The following IL7R variants were observed in gnomAD, a reference collection of about 807,000 sequenced individuals.
IL7R encodes the protein interleukin-7 receptor subunit alpha.
Under a neutral mutation model 47.0 loss-of-function variants are expected in IL7R, and 38 were observed. That is an observed-to-expected ratio of 0.81 (90% confidence interval 0.62 to 1.06). The LOEUF (loss-of-function observed/expected upper bound fraction) is 1.06. Ranked by LOEUF, IL7R falls within the 50% of genes least tolerant of loss-of-function variation. The probability of loss-of-function intolerance (pLI) is 0.00; values close to 1 mark genes in which losing one functional copy is unlikely to be tolerated. For synonymous variants in IL7R, 221 were observed against 199.8 expected, an observed-to-expected ratio of 1.11 and a Z score of -0.89; for missense variants, 633 against 534.8, an observed-to-expected ratio of 1.18 and a Z score of -1.81.
At position 35,875,603 on chromosome 5, in the gene IL7R, G is replaced by A; in HGVS notation, c.876+16G>A. 1 of 1,590,288 alleles carries A rather than the reference G, an allele frequency of 6.3e-7. No individual in the cohort carries two copies. The highest frequency in any genetic ancestry group is 8.6e-7 in the Non-Finnish European group (1 of 1,158,344). ...ACCAAGAAAAGTGAGTGTTTTTGGTGCTTAAAAAGTGTTGTGTTGGCAACA... is the reference window on the plus strand; with the variant it reads ...ACCAAGAAAAGTGAGTGTTTTTGGTACTTAAAAAGTGTTGTGTTGGCAACA... On this transcript the variant is annotated intron_variant, in intron 7 of 7. Coordinates refer to ENST00000303115, the MANE Select transcript of IL7R (RefSeq NM_002185.5).
At chr5:35,869,242 G>T (rs1760012540) in intron 3 of IL7R, among the ~76,000 whole-genome samples, 1 of 152,140 alleles carries the variant, frequency 6.6e-6, no homozygotes. Context: ...ACCCAGTAAG[G>T]CTGAAGAGGG....
In IL7R at chr5:35,876,127, G is replaced by A. The variant is rs766254348; in HGVS notation, c.1021G>A (p.Gly341Arg). ...QLEESEKQRL[G>R]GDVQSPNCPS... ...AGAAGAATCTGAGAAGCAGAGGCTT[G>A]GAGGGGATGTGCAGAGCCCCAACTG... The change falls in exon 8 of 8, where the codon GGA (glycine) becomes AGA (arginine). Residue 341 changes from glycine (G) to arginine (R), a missense_variant. Physicochemically the swap from Gly to Arg is moderately radical, Grantham distance 125. Transcript: ENST00000303115. The A allele has an allele frequency of 1.9e-6, 3 of 1,614,052 alleles. No individual in the cohort carries two copies. Among genetic ancestry groups the A allele is most frequent in the East Asian group, 2.2e-5 (1 of 44,896 alleles).
chr5:35,861,061 C>A (rs2149895837), intron 2 of IL7R, 71 bp downstream of exon 2: 1 of 1,454,728 alleles, frequency 6.9e-7, no homozygotes, highest in Non-Finnish European at 9.7e-7. Context: ...TTTTTAATAG[C>A]CACAAAAGAA....
chr5:35,860,905 T>C lies in IL7R; in HGVS notation c.136T>C (p.Leu46=). ...CTACTCATTCTCATGCTATAGCCAG[T>C]TGGAAGTGAATGGATCGCAGCACTC... The part of the protein sequence containing the change: ...DDYSFSCYSQ[L]EVNGSQHSLT... Residue 46 remains leucine, a synonymous_variant, in exon 2 of 8, where the codon TTG becomes CTG. Transcript: ENST00000303115. 6.2e-7 allele frequency: 1 copy of C among 1,613,576 alleles called. No homozygotes were observed.
intron 2 of IL7R, among the ~76,000 whole-genome samples, chr5:35,863,294 C>T (rs1759863899): frequency 6.6e-6 from 1 of 152,126 alleles, no homozygotes; most frequent in Admixed American, 6.6e-5. Flanking sequence ...GGAGCTTAAC[C>T]AGTCACTCTC....
chr5:35,860,987 T>C lies in IL7R; in HGVS notation c.218T>C (p.Ile73Thr), dbSNP rs1263850945. Residue 73 changes from isoleucine (I) to threonine (T), a missense_variant, in exon 2 of 8, where the codon ATA becomes ACA. Transcript: ENST00000303115. Reference sequence around the variant, plus strand: ...AACATCACCAATCTGGAATTTGAAATATGGTGAGGGATGGTGGTTTTAATG... The same window carrying C: ...AACATCACCAATCTGGAATTTGAAACATGGTGAGGGATGGTGGTTTTAATG... Reference protein sequence around the residue: ...DVNITNLEFEICGALVEVKCL... With the variant: ...DVNITNLEFETCGALVEVKCL... 6.8e-6 allele frequency: 11 copies of C among 1,613,352 alleles called. No homozygotes were observed. Among genetic ancestry groups the C allele is most frequent in the Non-Finnish European group, 9.3e-6 (11 of 1,179,462 alleles).
rs1759660930 is a variant in IL7R at position 35,857,008 on chromosome 5, G to GT, written c.37dup (p.Ser13PhefsTer25). ...AATTCTAGGTACAACTTTTGGCATG[G>GT]TTTTTTCTTTACTTCAAGTCGTTTC... On this transcript the variant is annotated frameshift_variant, in exon 1 of 8. Coordinates refer to ENST00000303115, the MANE Select transcript of IL7R (RefSeq NM_002185.5). LOFTEE classifies it high-confidence loss of function. The GT allele has an allele frequency of 6.2e-7, 1 of 1,609,748 alleles. No individual in the cohort carries two copies. The highest frequency in any genetic ancestry group is 8.5e-7 in the Non-Finnish European group (1 of 1,176,878).
At chr5:35,869,979 C>T (rs1306341200) in intron 3 of IL7R, among the ~76,000 whole-genome samples, 1 of 152,168 alleles carries the variant, frequency 6.6e-6, no homozygotes, top group African/African-American at 2.4e-5. Context: ...CAAACTCTGC[C>T]ATGTGGGCTG....
chr5:35,874,658 A>G lies in IL7R; in HGVS notation c.800+116A>G, dbSNP rs899555666. The G allele has an allele frequency of 3.7e-6, 3 of 804,934 alleles. No individual in the cohort carries two copies. The Admixed American group carries it at 5.6e-5, about 15-fold the overall frequency. The allele number at this position is 804,934 out of a possible 1,614,324, so 49.9% of individuals were successfully genotyped here. On this transcript the variant is annotated intron_variant, in intron 6 of 7. Coordinates refer to ENST00000303115, the MANE Select transcript of IL7R (RefSeq NM_002185.5). Reference sequence around the variant, plus strand: ...GGGGATTAAGGCATTTCACGAATTTAGTGCCCAGTATCCCTATCTATCCTC... The same window carrying G: ...GGGGATTAAGGCATTTCACGAATTTGGTGCCCAGTATCCCTATCTATCCTC...
At chr5:35,869,203 C>T (rs1298137652) in intron 3 of IL7R, among the ~76,000 whole-genome samples, 3 of 152,172 alleles carry the variant, frequency 2.0e-5, no homozygotes, top group Non-Finnish European at 4.4e-5. Context: ...CACCTGCACC[C>T]TCACTTCCCC....
intron 2 of IL7R, 90 bp downstream of exon 2, chr5:35,861,080 TG>T: frequency 7.4e-7 from 1 of 1,349,252 alleles, no homozygotes; most frequent in Non-Finnish European, 1.1e-6. Flanking sequence ...AAAGAATATG[TG>T]GCCTAATTAA....
At chr5:35,863,803 T>C (rs145921687) in intron 2 of IL7R, among the ~76,000 whole-genome samples, 1 of 152,314 alleles carries the variant, frequency 6.6e-6, no homozygotes, top group East Asian at 1.9e-4. Flanking sequence ...ATTACTTTTA[T>C]TCTACCTTTA....
intron 2 of IL7R, among the ~76,000 whole-genome samples, chr5:35,864,557 T>G (rs1759893171): frequency 2.0e-5 from 3 of 152,196 alleles, no homozygotes; most frequent in Non-Finnish European, 4.4e-5. Flanking sequence ...TCGTTAGGTT[T>G]TTAATTCGCA....
intron 5 of IL7R, 115 bp downstream of exon 5, chr5:35,873,763 G>A (rs1241465493): frequency 2.1e-6 from 2 of 943,156 alleles, no homozygotes; most frequent in African/African-American, 1.6e-5. Flanking sequence ...ACCCTTGGAG[G>A]GCACTCTTAC....
At chr5:35,860,808 C>T (rs780274380) in intron 1 of IL7R, 44 bp from the exon 2 acceptor site, 1 of 1,597,400 alleles carries the variant, frequency 6.3e-7, no homozygotes, top group African/African-American at 1.3e-5. Context: ...CAAAAGGATG[C>T]ATTTATTTGT....
rs373694709 is a variant in IL7R, at chr5:35,860,897, A to G, written c.128A>G (p.Tyr43Cys). Residue 43 changes from tyrosine (Y) to cysteine (C), a missense_variant, in exon 2 of 8, where the codon TAT becomes TGT. By Grantham distance (194) the Tyr-to-Cys change is radical. Coordinates refer to ENST00000303115, the MANE Select transcript of IL7R (RefSeq NM_002185.5). ...CTGGATGACTACTCATTCTCATGCTATAGCCAGTTGGAAGTGAATGGATCG... is the reference window on the plus strand; with the variant it reads ...CTGGATGACTACTCATTCTCATGCTGTAGCCAGTTGGAAGTGAATGGATCG... ...AELDDYSFSC[Y>C]SQLEVNGSQH... The G allele has an allele frequency of 1.7e-5, 28 of 1,613,478 alleles. No individual in the cohort carries two copies. The highest frequency in any genetic ancestry group is 6.7e-5 in the African/African-American group (5 of 74,896).
At chr5:35,874,585 A>T (rs1257993400) in intron 6 of IL7R, 43 bp downstream of exon 6, 1 of 1,381,512 alleles carries the variant, frequency 7.2e-7, no homozygotes, top group Non-Finnish European at 1.0e-6. Flanking sequence ...GTGTGGGATC[A>T]CGGACAGTCA....
intron 2 of IL7R, among the ~76,000 whole-genome samples, chr5:35,865,968 G>A (rs1368489359): frequency 6.6e-6 from 1 of 152,156 alleles, no homozygotes; most frequent in Admixed American, 6.6e-5. Flanking sequence ...AATGGTGAAA[G>A]TGGATATTCC....
At chr5:35,866,000 A>C (rs1021622183) in intron 2 of IL7R, among the ~76,000 whole-genome samples, 1 of 152,192 alleles carries the variant, frequency 6.6e-6, no homozygotes. Flanking sequence ...GGTCTTAGGG[A>C]AACAATTCAT....
Sources: allele counts gnomAD v4.1 joint callset (sites outside exome capture counted in the v4.1 genomes callset), GRCh38; gene constraint gnomAD v4.1.1; transcripts MANE v1.5; gene names NCBI Gene and HGNC (gene_info 2026-07-23, HGNC 2026-07-21).